The following MAML2 variants were observed in gnomAD, a reference collection of about 807,000 sequenced individuals.
MAML2 encodes mastermind like transcriptional coactivator 2, also known as mastermind-like protein 2.
In MAML2, 22 loss-of-function variants were observed where a neutral mutation model predicts 96.1. That is an observed-to-expected ratio of 0.23 (90% CI 0.16 to 0.33). The LOEUF (loss-of-function observed/expected upper bound fraction) is 0.33, where lower values mean the gene tolerates loss of function less well. Among genes scored for constraint, MAML2 ranks in the 10% least tolerant of loss-of-function variants. MAML2 has a pLI of 1.00. For missense variants in MAML2, 1,367 were observed against 1,392.4 expected, an observed-to-expected ratio of 0.98 and a Z score of 0.29; for synonymous variants, 561 against 521.3, an observed-to-expected ratio of 1.08 and a Z score of -1.04.
At chr11:96,085,581 C>T (rs188682552) in intron 2 of MAML2, among the ~76,000 whole-genome samples, 12 of 152,226 alleles carry the variant, frequency 7.9e-5, no homozygotes, top group Admixed American at 7.2e-4. Flanking sequence ...TTCCATTAAC[C>T]CTCTTGCATT....
At chr11:96,157,323 T>C (rs896571660) in intron 1 of MAML2, among the ~76,000 whole-genome samples, 3 of 152,262 alleles carry the variant, frequency 2.0e-5, no homozygotes, top group Non-Finnish European at 2.9e-5. Flanking sequence ...CATCCTGATA[T>C]AGCATCTTGG....
rs530578845 is a variant in MAML2, at chr11:96,166,177, T to TCTCTCTCTCACA, written c.514-72661_514-72660insTGTGAGAGAGAG. On this transcript the variant is annotated intron_variant, in intron 1 of 4. Coordinates refer to ENST00000524717, the MANE Select transcript of MAML2 (RefSeq NM_032427.4). ...CTGTCTCTCTCTCTCTCTCTCTCTC[T>TCTCTCTCTCACA]CACACACACACACACACACACACAC... 2.5e-3 allele frequency among the ~76,000 whole-genome samples: 280 copies of TCTCTCTCTCACA among 110,372 alleles called. 1 individual carries two copies. Among genetic ancestry groups the TCTCTCTCTCACA allele is most frequent in the Middle Eastern group, 5.2e-3 (1 of 194 alleles). 72.4% of individuals were successfully genotyped at this position (110,372 alleles called of 152,430 possible). A position where few individuals can be genotyped will look rare whatever the true frequency, so the allele number is the denominator to read the frequency against.
In MAML2 at chr11:96,342,302, C is replaced by T; in HGVS notation, c.-407G>A. ...TTGTCCAGCAAGAGACAGAAACACA[C>T]AGCAAAAGGTATTGAGAGAGGTATT... On this transcript the variant is annotated 5_prime_UTR_variant, in exon 1 of 5. The change creates a new upstream start codon in the 5' untranslated region. Coordinates refer to ENST00000524717, the MANE Select transcript of MAML2 (RefSeq NM_032427.4). The T allele has an allele frequency of 4.7e-6, 2 of 425,020 alleles. No homozygotes were observed. The highest frequency in any genetic ancestry group is 8.3e-6 in the Non-Finnish European group (2 of 240,594). 26.3% of individuals were successfully genotyped at this position (425,020 alleles called of 1,614,324 possible).
At position 96,224,315 on chromosome 11, in the gene MAML2, T is replaced by G. The variant is rs145239397; in HGVS notation, c.513+117068A>C. Among the ~76,000 whole-genome samples the G allele has an allele frequency of 3.7e-3, 557 of 152,298 alleles. 14 individuals are homozygous for G. The highest frequency in any genetic ancestry group is 0.024 in the Admixed American group (372 of 15,298). On this transcript the variant is annotated intron_variant, in intron 1 of 4. Coordinates refer to ENST00000524717, the MANE Select transcript of MAML2 (RefSeq NM_032427.4). Reference sequence around the variant, plus strand: ...CCTCCTTTTCAAACACTCTGATAACTCTCCACTGCCCAAGGTGTGCCTTGT... The same window carrying G: ...CCTCCTTTTCAAACACTCTGATAACGCTCCACTGCCCAAGGTGTGCCTTGT...
At position 96,040,300 on chromosome 11, in the gene MAML2, CAG is replaced by C. The variant is rs780267405; in HGVS notation, c.2140-48579_2140-48578del. Among the ~76,000 whole-genome samples, 23 of 152,074 alleles carry C rather than the reference CAG, an allele frequency of 1.5e-4. 1 individual carries two copies. The highest frequency in any genetic ancestry group is 6.3e-3 in the Middle Eastern group (2 of 316). Reference sequence around the variant, plus strand: ...CAAGCATTACAGAAAAATAGAGTAACAGAGATGAAAAGTGTTGGGGTAAAAAT... The same window carrying C: ...CAAGCATTACAGAAAAATAGAGTAACAGATGAAAAGTGTTGGGGTAAAAAT... On this transcript the variant is annotated intron_variant, in intron 2 of 4. Transcript: ENST00000524717.
chr11:96,088,118 A>T (rs1453923651), intron 2 of MAML2, among the ~76,000 whole-genome samples: 1 of 152,204 alleles, frequency 6.6e-6, no homozygotes, highest in Non-Finnish European at 1.5e-5. Context: ...CCAAGGGTTG[A>T]TATGGTGTAG....
intron 1 of MAML2, among the ~76,000 whole-genome samples, chr11:96,249,750 A>G (rs1277587880): frequency 1.3e-5 from 2 of 152,132 alleles, no homozygotes; most frequent in Admixed American, 1.3e-4. Context: ...GCTCCAAGCA[A>G]CCATCACTTC....
chr11:96,040,621 G>T (rs970878504), intron 2 of MAML2, among the ~76,000 whole-genome samples: 6 of 152,078 alleles, frequency 3.9e-5, no homozygotes, highest in African/African-American at 1.4e-4. Flanking sequence ...ACAAAAATTA[G>T]CTGGGCATGG....
chr11:95,986,498 C>A (rs1028461615), intron 3 of MAML2, among the ~76,000 whole-genome samples: 1 of 152,090 alleles, frequency 6.6e-6, no homozygotes, highest in African/African-American at 2.4e-5. Context: ...CCGCGCCCAG[C>A]TCTGTATTCT....
intron 1 of MAML2, among the ~76,000 whole-genome samples, chr11:96,169,916 G>C (rs925901842): frequency 2.0e-5 from 3 of 152,228 alleles, no homozygotes; most frequent in African/African-American, 4.8e-5. Flanking sequence ...GCCTCCCAAA[G>C]TATTGGGATT....
At chr11:96,191,554 C>T (rs960966082) in intron 1 of MAML2, among the ~76,000 whole-genome samples, 3 of 151,356 alleles carry the variant, frequency 2.0e-5, no homozygotes, top group African/African-American at 4.9e-5. Flanking sequence ...GTGGCTGGAT[C>T]ACGAGGTCAA....
intron 2 of MAML2, among the ~76,000 whole-genome samples, chr11:96,062,530 T>C (rs1429523378): frequency 1.5e-4 from 23 of 152,206 alleles, no homozygotes; most frequent in Admixed American, 1.5e-3. Context: ...ACAATAAGGG[T>C]GGCAGAGTTT....
chr11:95,997,649 A>G (rs548646095), intron 2 of MAML2, among the ~76,000 whole-genome samples: 1 of 152,334 alleles, frequency 6.6e-6, no homozygotes, highest in South Asian at 2.1e-4. Context: ...TAGAATCATA[A>G]TCGCTTAGTG....
chr11:96,049,236 G>T (rs1037358737), intron 2 of MAML2, among the ~76,000 whole-genome samples: 5 of 152,024 alleles, frequency 3.3e-5, no homozygotes, highest in African/African-American at 1.2e-4. Context: ...ACTCCTCTTT[G>T]TACTTTGTGT....
chr11:96,151,322 T>C (rs1462512376), intron 1 of MAML2, among the ~76,000 whole-genome samples: 1 of 152,260 alleles, frequency 6.6e-6, no homozygotes, highest in Non-Finnish European at 1.5e-5. Flanking sequence ...CTCCCATCAT[T>C]GGGCATCCAA....
intron 2 of MAML2, among the ~76,000 whole-genome samples, chr11:95,994,086 G>A (rs1857955240): frequency 6.6e-6 from 1 of 152,182 alleles, no homozygotes; most frequent in African/African-American, 2.4e-5. Context: ...AGGAAGCATT[G>A]AGAAGAAAGA....
At chr11:96,187,336 T>A (rs1041313332) in intron 1 of MAML2, among the ~76,000 whole-genome samples, 3 of 152,246 alleles carry the variant, frequency 2.0e-5, no homozygotes, top group African/African-American at 7.2e-5. Flanking sequence ...ATATATTTGG[T>A]ATTTTCTTGA....
intron 2 of MAML2, among the ~76,000 whole-genome samples, chr11:96,022,052 C>A (rs1358591491): frequency 6.6e-6 from 1 of 152,144 alleles, no homozygotes; most frequent in Non-Finnish European, 1.5e-5. Flanking sequence ...GTAGGCCAGG[C>A]CATCTAGGAT....
rs887898240 is a variant in MAML2 at position 96,091,957 on chromosome 11, G to A, written c.2074C>T (p.Leu692Phe). 1.9e-6 allele frequency: 3 copies of A among 1,611,518 alleles called. No individual in the cohort carries two copies. The Admixed American group carries it at 5.0e-5, about 27-fold the overall frequency. The change falls in exon 2 of 5, where the codon CTT becomes TTT. Residue 692 changes from leucine to phenylalanine, a missense_variant. By Grantham distance (22) the Leu-to-Phe change is conservative. Transcript: ENST00000524717. ...SPLPLQQKLL[L>F]QQMQNQPIAG... is the part of the protein sequence containing the mutation. ...ATGGGCTGATTCTGCATTTGCTGAAGTAGGAGCTTTTGCTGAAGTGGCAAA... is the reference window on the plus strand; with the variant it reads ...ATGGGCTGATTCTGCATTTGCTGAAATAGGAGCTTTTGCTGAAGTGGCAAA...
Sources: gnomAD v4.1 joint callset for allele counts (sites outside exome capture counted in the v4.1 genomes callset) on GRCh38, gnomAD v4.1.1 for gene constraint, MANE v1.5 for transcripts, NCBI Gene and HGNC (gene_info 2026-07-23, HGNC 2026-07-21) for gene names.